The following FBN2 variants were observed in gnomAD, a reference collection of about 807,000 sequenced individuals.
The protein encoded by FBN2 is fibrillin 2.
A neutral mutation model predicts 355.6 loss-of-function variants in FBN2; 105 were observed. The ratio of observed to expected loss-of-function variants is 0.30; its 90% CI spans 0.25 to 0.35. The LOEUF (loss-of-function observed/expected upper bound fraction) is 0.35, where lower values mean the gene tolerates loss of function less well. FBN2 is among the 10% of genes least tolerant of loss of function. The pLI is 1.00. For synonymous variants in FBN2, 1,350 were observed against 1,301.2 expected (o/e 1.04, Z -0.81); for missense variants, 3,280 against 3,758.7 (o/e 0.87, Z 3.33).
At chr5:128,364,131 T>G (rs927963620) in intron 18 of FBN2, among the ~76,000 whole-genome samples, 4 of 152,210 alleles carry the variant, frequency 2.6e-5, no homozygotes, top group Non-Finnish European at 4.4e-5. Context: ...ATACTTCAGT[T>G]TTTTCAATCA....
intron 5 of FBN2, among the ~76,000 whole-genome samples, chr5:128,491,364 T>C (rs1755499706): frequency 6.6e-6 from 1 of 152,170 alleles, no homozygotes; most frequent in South Asian, 2.1e-4. Context: ...CTCCAGGCAG[T>C]GATAGACCTT....
chr5:128,397,318 G>C (rs192329769), intron 8 of FBN2, among the ~76,000 whole-genome samples: 3 of 152,234 alleles, frequency 2.0e-5, no homozygotes, highest in Non-Finnish European at 2.9e-5. Context: ...AAATAAGAAA[G>C]TTCCAAACTC....
intron 64 of FBN2, 135 bp from the exon 65 acceptor site, chr5:128,259,964 AC>A: frequency 2.3e-6 from 2 of 860,308 alleles, no homozygotes; most frequent in South Asian, 1.4e-5. Flanking sequence ...CACTCTCCTT[AC>A]CAGCAGTGGC....
chr5:128,421,088 G>A (rs935400863), intron 7 of FBN2, among the ~76,000 whole-genome samples: 1 of 152,192 alleles, frequency 6.6e-6, no homozygotes, highest in Admixed American at 6.5e-5. Context: ...GCATGGATGA[G>A]AAATGGGCAG....
At chr5:128,491,808 C>A (rs1755513290) in intron 5 of FBN2, among the ~76,000 whole-genome samples, 2 of 152,142 alleles carry the variant, frequency 1.3e-5, no homozygotes, top group South Asian at 4.1e-4. Flanking sequence ...CATTTTTCTT[C>A]AACCAGAACC....
intron 2 of FBN2, 48 bp from the exon 3 acceptor site, chr5:128,530,741 C>G: frequency 8.4e-7 from 1 of 1,184,742 alleles, no homozygotes; most frequent in Non-Finnish European, 1.3e-6. Context: ...TATAATAAAC[C>G]ATAGTTTACA....
At chr5:128,451,875 G>A (rs927227304) in intron 6 of FBN2, among the ~76,000 whole-genome samples, 7 of 152,028 alleles carry the variant, frequency 4.6e-5, no homozygotes, top group African/African-American at 9.7e-5. Context: ...TGCTGCATAC[G>A]GATTATAGTA....
chr5:128,528,163 T>C (rs938126759), intron 3 of FBN2, among the ~76,000 whole-genome samples, 196 bp from the exon 4 acceptor site: 1 of 152,176 alleles, frequency 6.6e-6, no homozygotes, highest in African/African-American at 2.4e-5. Flanking sequence ...TGTGATAACA[T>C]GTTTTTCAGG....
At chr5:128,480,025 T>C (rs1356414698) in intron 5 of FBN2, among the ~76,000 whole-genome samples, 8 of 45,046 alleles carry the variant, frequency 1.8e-4, no homozygotes, top group Non-Finnish European at 2.6e-4. Context: ...TATATATATG[T>C]ATATACACAC....
In FBN2 at chr5:128,345,372, G is replaced by A. The variant is rs761958762; in HGVS notation, c.3202C>T (p.Arg1068Trp). The change falls in exon 24 of 65, where the codon CGG becomes TGG. Residue 1068 changes from arginine (R) to tryptophan (W), a missense_variant. This residue lies in a region of FBN2 where 2,284 missense variants were observed against 2,749.5 expected (regional missense o/e 0.83). Transcript: ENST00000262464. ...FANRGDVLTG[R>W]PFYKDINECK... ...AGGCAGTTACCTTTGTAAAATGGCC[G>A]CCCAGTAAGAACATCCCCTCGGTTA... is the stretch of plus-strand genomic sequence containing the variant. 2.5e-6 allele frequency: 4 copies of A among 1,614,018 alleles called. No individual in the cohort carries two copies. Among genetic ancestry groups the A allele is most frequent in the Non-Finnish European group, 2.5e-6 (3 of 1,179,928 alleles).
chr5:128,376,356 A>G (rs1166069709), intron 14 of FBN2, among the ~76,000 whole-genome samples: 2 of 152,208 alleles, frequency 1.3e-5, no homozygotes, highest in African/African-American at 4.8e-5. Flanking sequence ...CCCATAATGA[A>G]TGACAGTGGA....
chr5:128,362,879 T>C (rs1751674912), intron 18 of FBN2, among the ~76,000 whole-genome samples: 1 of 152,194 alleles, frequency 6.6e-6, no homozygotes, highest in African/African-American at 2.4e-5. Context: ...ATTTCTAGTA[T>C]TGCAAATAAC....
intron 13 of FBN2, among the ~76,000 whole-genome samples, chr5:128,377,529 A>G (rs868757733): frequency 4.2e-4 from 63 of 149,644 alleles, no homozygotes; most frequent in African/African-American, 1.5e-3. Context: ...CACTGTTATA[A>G]CATCTCCTCC....
Position 128,447,970 on chromosome 5 carries a change from G to A in FBN2, c.827-1364C>T, listed in dbSNP as rs115190472. ...CAATCTGTTGCTTCAGTTGGCTGCAGAACACTTAATGTGTTTCCTCTCCTG... is the reference window on the plus strand; with the variant it reads ...CAATCTGTTGCTTCAGTTGGCTGCAAAACACTTAATGTGTTTCCTCTCCTG... On this transcript the variant is annotated intron_variant, in intron 6 of 64. Transcript: ENST00000262464. Among the ~76,000 whole-genome samples the A allele has an allele frequency of 6.6e-3, 1,001 of 152,318 alleles. 10 individuals carry two copies. The highest frequency in any genetic ancestry group is 0.023 in the African/African-American group (942 of 41,576).
chr5:128,261,768 T>C lies in FBN2; in HGVS notation c.8332A>G (p.Lys2778Glu), dbSNP rs371715068. The C allele has an allele frequency of 4.3e-6, 7 of 1,614,130 alleles. No individual in the cohort carries two copies. The highest frequency in any genetic ancestry group is 5.9e-6 in the Non-Finnish European group (7 of 1,180,038). ...NGYSKKDSRQ[K>E]RSIHEPDPTA... ...GGATCAGGTTCATGAATACTTCTCT[T>C]CTGCCTGCTGTCTTTCTTAGAATAG... Residue 2778 changes from lysine (K) to glutamate (E), a missense_variant, in exon 64 of 65, where the codon AAG becomes GAG. Lys to Glu is a moderately conservative substitution (Grantham distance 56). Transcript: ENST00000262464.
In FBN2 at chr5:128,345,468, C is replaced by T. The variant is rs773473369; in HGVS notation, c.3106G>A (p.Glu1036Lys). 28 of 1,613,988 alleles carry T rather than the reference C, an allele frequency of 1.7e-5. No individual in the cohort carries two copies. The highest frequency in any genetic ancestry group is 1.1e-4 in the East Asian group (5 of 44,880). ...CCAVGAAWGTECEECPKPGTK... is the reference protein window; with the variant it reads ...CCAVGAAWGTKCEECPKPGTK... ...CCAGGTTTGGGGCACTCCTCACACT[C>T]GGTGCCCCAAGCCGCCCCGACAGCA... The change falls in exon 24 of 65, where the codon GAG becomes AAG. Residue 1036 changes from glutamate (E) to lysine (K), a missense_variant. Glu to Lys is a moderately conservative substitution (Grantham distance 56, BLOSUM62 1). This residue lies in a region of FBN2 where 2,284 missense variants were observed against 2,749.5 expected (regional missense o/e 0.83). Coordinates refer to ENST00000262464, the MANE Select transcript of FBN2 (RefSeq NM_001999.4).
rs367923924 is a variant in FBN2, at chr5:128,496,996, C to T, written c.628+22277G>A. ...AGAAATAAATTTGACAAAAGAAGTA[C>T]GAAACTATACTCTGAAATGTATAAA... On this transcript the variant is annotated intron_variant, in intron 5 of 64. Coordinates refer to ENST00000262464, the MANE Select transcript of FBN2 (RefSeq NM_001999.4). 1.3e-4 allele frequency among the ~76,000 whole-genome samples: 20 copies of T among 151,504 alleles called. No homozygotes were observed. In the South Asian group the frequency reaches 3.6e-3, roughly 27 times the overall value.
chr5:128,453,262 G>A (rs1002733051), intron 6 of FBN2, among the ~76,000 whole-genome samples: 3 of 152,112 alleles, frequency 2.0e-5, no homozygotes, highest in African/African-American at 4.8e-5. Flanking sequence ...TGTCACCATC[G>A]TGTTCCAGCT....
At chr5:128,288,831 G>T (rs984353024) in intron 52 of FBN2, among the ~76,000 whole-genome samples, 1 of 152,224 alleles carries the variant, frequency 6.6e-6, no homozygotes, top group Non-Finnish European at 1.5e-5. Context: ...AGCAGGCATG[G>T]AAGGGCATAA....
Sources: allele counts gnomAD v4.1 joint callset (sites outside exome capture counted in the v4.1 genomes callset), GRCh38; gene constraint gnomAD v4.1.1; regional missense constraint gnomAD v4.1.1; transcripts MANE v1.5; gene names NCBI Gene and HGNC (gene_info 2026-07-23, HGNC 2026-07-21).